ENOSF1: variants seen among roughly 807,000 people sequenced by gnomAD.
The protein encoded by ENOSF1 is mitochondrial enolase superfamily member 1.
A neutral mutation model predicts 68.2 loss-of-function variants in ENOSF1; 73 were observed. The observed-to-expected ratio is 1.07, with a 90% CI of 0.89 to 1.30. ENOSF1 has a LOEUF of 1.30. Among genes scored for constraint, ENOSF1 ranks in the 50% most tolerant of loss-of-function variants. ENOSF1 has a pLI of 0.00. For synonymous variants in ENOSF1, 223 were observed against 210.4 expected, an observed-to-expected ratio of 1.06 and a Z score of -0.52; for missense variants, 589 against 554.5, an observed-to-expected ratio of 1.06 and a Z score of -0.62.
chr18:676,860 T>C (rs571233761), intron 14 of ENOSF1, among the ~76,000 whole-genome samples: 1 of 152,370 alleles, frequency 6.6e-6, no homozygotes, highest in African/African-American at 2.4e-5. Flanking sequence ...TGCAGTGATC[T>C]TTCTGTGAGA....
rs1474400636 is a variant in ENOSF1, at chr18:712,565, C to T, written c.23G>A (p.Arg8Gln). ...GAAGCGCACGTCCCGGACCGAGAGC[C>T]GGGAGATCCTGCCGCGCACCATGGC... MVRGRIS[R>Q]LSVRDVRFPT... The change falls in exon 1 of 16, where the codon CGG (arginine) becomes CAG (glutamine). Residue 8 changes from arginine (R) to glutamine (Q), a missense_variant. Coordinates refer to ENST00000647584, the MANE Select transcript of ENOSF1 (RefSeq NM_017512.7). 5.3e-6 allele frequency: 8 copies of T among 1,511,510 alleles called. No individual in the cohort carries two copies. The highest frequency in any genetic ancestry group is 4.8e-5 in the South Asian group (4 of 83,560). 93.6% of individuals were successfully genotyped at this position (1,511,510 alleles called of 1,614,324 possible). A position where few individuals can be genotyped will look rare whatever the true frequency, so the allele number is the denominator to read the frequency against.
intron 5 of ENOSF1, chr18:693,194 G>A (rs1462898051): frequency 1.6e-6 from 2 of 1,288,990 alleles, no homozygotes; most frequent in African/African-American, 1.5e-5. Flanking sequence ...AAAAGGTCAA[G>A]GAGAAAGAAA....
chr18:695,357 T>A (rs1477367166), intron 3 of ENOSF1, among the ~76,000 whole-genome samples: 6 of 152,206 alleles, frequency 3.9e-5, no homozygotes, highest in African/African-American at 1.4e-4. Context: ...TGTTAACTTT[T>A]ACCACTTGGG....
chr18:679,624 T>A (rs1407883772), intron 11 of ENOSF1, among the ~76,000 whole-genome samples: 2 of 151,962 alleles, frequency 1.3e-5, no homozygotes, highest in African/African-American at 4.8e-5. Flanking sequence ...ATCTGCAGGT[T>A]AGGCTGAGAC....
intron 2 of ENOSF1, among the ~76,000 whole-genome samples, chr18:700,939 G>T (rs1381013980): frequency 6.8e-6 from 1 of 148,124 alleles, no homozygotes; most frequent in Non-Finnish European, 1.5e-5. Context: ...GCTGTGGCAG[G>T]AAATTGACTT....
intron 8 of ENOSF1, among the ~76,000 whole-genome samples, chr18:688,899 G>A (rs2076885185): frequency 6.6e-6 from 1 of 152,120 alleles, no homozygotes; most frequent in Non-Finnish European, 1.5e-5. Flanking sequence ...AGAATATTCT[G>A]TGGCATCCAT....
At chr18:679,786 G>A (rs929918620) in intron 11 of ENOSF1, among the ~76,000 whole-genome samples, 3 of 152,042 alleles carry the variant, frequency 2.0e-5, no homozygotes, top group African/African-American at 7.2e-5. Flanking sequence ...ATCCTCTACT[G>A]TGACTGCGAC....
chr18:667,322 TGATGGTGATGGAGATGGTGATGGA>T (rs1356099917), downstream of ENOSF1, among the ~76,000 whole-genome samples: 2 of 33,388 alleles, frequency 6.0e-5, no homozygotes, highest in Non-Finnish European at 5.1e-5. Context: ...ATGGAGATGG[TGATGGTGATGGAGATGGTGATGGA>T]GATGGTGATG....
chr18:693,643 G>T, intron 5 of ENOSF1: 2 of 985,418 alleles, frequency 2.0e-6, no homozygotes, highest in Non-Finnish European at 2.4e-6. Context: ...CACATGCACA[G>T]TGGGGGAGGC....
chr18:667,005 T>A (rs867846170), downstream of ENOSF1, among the ~76,000 whole-genome samples: 96 of 4,772 alleles, frequency 0.02, 5 homozygotes, highest in Admixed American at 0.029. Context: ...ATGGAGATGG[T>A]GATGGTGATG....
chr18:682,772 A>T (rs538704206), intron 11 of ENOSF1, among the ~76,000 whole-genome samples: 7 of 151,494 alleles, frequency 4.6e-5, no homozygotes, highest in Admixed American at 1.3e-4. Flanking sequence ...AGTCCCAGCT[A>T]CTCAGGAGGC....
At chr18:688,408 G>T in intron 9 of ENOSF1, 166 bp downstream of exon 9, 1 of 718,690 alleles carries the variant, frequency 1.4e-6, no homozygotes, top group Non-Finnish European at 2.3e-6. Context: ...CCTGCCTTTA[G>T]AGAAAGAGCC....
chr18:688,942 G>A (rs961066049), intron 8 of ENOSF1, among the ~76,000 whole-genome samples: 5 of 152,132 alleles, frequency 3.3e-5, no homozygotes, highest in African/African-American at 1.2e-4. Flanking sequence ...ACATGCAGAA[G>A]CCAGCCTCTC....
intron 9 of ENOSF1, 88 bp from the exon 10 acceptor site, chr18:686,096 TCAA>T (rs1477053771): frequency 3.4e-6 from 3 of 889,836 alleles, no homozygotes; most frequent in Non-Finnish European, 5.7e-6. Context: ...ACCGTCTCTG[TCAA>T]CAATTCACAG....
chr18:706,615 T>G (rs761542668), intron 1 of ENOSF1, 37 bp from the exon 2 acceptor site: 7 of 1,482,958 alleles, frequency 4.7e-6, no homozygotes, highest in Admixed American at 1.7e-5. Context: ...ACAATGCCAG[T>G]GTGAGAAACC....
intron 1 of ENOSF1, among the ~76,000 whole-genome samples, chr18:710,605 G>A (rs1037696590): frequency 2.0e-5 from 3 of 152,160 alleles, no homozygotes; most frequent in Admixed American, 1.3e-4. Flanking sequence ...TTGAATTCCT[G>A]GGCTCAAGTG....
At chr18:693,007 G>C in intron 5 of ENOSF1, 12 of 1,200,984 alleles carry the variant, frequency 1.0e-5, no homozygotes, top group Non-Finnish European at 1.3e-5. Flanking sequence ...CCGCCACCCA[G>C]GTGTTGCACT....
At position 712,568 on chromosome 18, in the gene ENOSF1, G is replaced by T. The variant is rs3786349; in HGVS notation, c.20C>A (p.Ser7Tyr). Residue 7 changes from serine (S) to tyrosine (Y), a missense_variant, in exon 1 of 16, where the codon TCC (serine) becomes TAC (tyrosine). Physicochemically the swap from Ser to Tyr is moderately radical, Grantham distance 144. Transcript: ENST00000647584. The part of the protein sequence containing the change: MVRGRI[S>Y]RLSVRDVRFP... ...GCGCACGTCCCGGACCGAGAGCCGG[G>T]AGATCCTGCCGCGCACCATGGCCCC... 2 of 1,359,930 alleles carry T rather than the reference G, an allele frequency of 1.5e-6. No individual in the cohort carries two copies. Among genetic ancestry groups the T allele is most frequent in the Non-Finnish European group, 2.0e-6 (2 of 987,460 alleles). 84.2% of individuals were successfully genotyped at this position (1,359,930 alleles called of 1,614,324 possible). A position where few individuals can be genotyped will look rare whatever the true frequency, so the allele number is the denominator to read the frequency against.
chr18:679,944 C>T (rs116698168), intron 11 of ENOSF1, among the ~76,000 whole-genome samples: 175 of 152,276 alleles, frequency 1.1e-3, no homozygotes, highest in African/African-American at 4.1e-3. Context: ...TAAATGATTC[C>T]TGGTCTCAAT....
Sources: allele counts gnomAD v4.1 joint callset (sites outside exome capture counted in the v4.1 genomes callset), GRCh38; gene constraint gnomAD v4.1.1; transcripts MANE v1.5; gene names NCBI Gene and HGNC (gene_info 2026-07-23, HGNC 2026-07-21).